The following LRRC14 variants were observed in gnomAD, a reference collection of about 807,000 sequenced individuals.
LRRC14 encodes leucine-rich repeat-containing protein 14.
In LRRC14, 16 loss-of-function variants were observed where a neutral mutation model predicts 25.3. The observed-to-expected ratio is 0.63, with a 90% CI of 0.43 to 0.96. The LOEUF is 0.96. Ranked by LOEUF, LRRC14 falls within the 40% of genes least tolerant of loss-of-function variation. LRRC14 has a pLI of 0.00. For synonymous variants in LRRC14, 359 were observed against 295.1 expected (o/e 1.22, Z -2.22); for missense variants, 594 against 660.5 (o/e 0.90, Z 1.10).
In LRRC14 at chr8:144,520,227, C is replaced by G; in HGVS notation, c.330-11C>G. 1.2e-6 allele frequency: 2 copies of G among 1,603,792 alleles called. No homozygotes were observed. The highest frequency in any genetic ancestry group is 1.7e-6 in the Non-Finnish European group (2 of 1,179,136). On this transcript the variant is annotated splice_polypyrimidine_tract_variant and intron_variant, in intron 2 of 3. Transcript: ENST00000292524. ...CCCTCCACCCCTTCCTCACACCATT[C>G]CTACTCCCAGGAAGCATGCGCTGCG...
In LRRC14 at chr8:144,520,027, C is replaced by G. The variant is rs1036156327; in HGVS notation, c.302C>G (p.Pro101Arg). The change falls in exon 2 of 4, where the codon CCT becomes CGT. Residue 101 changes from proline (P) to arginine (R), a missense_variant. By Grantham distance (103) the Pro-to-Arg change is moderately radical (BLOSUM62 -2). Coordinates refer to ENST00000292524, the MANE Select transcript of LRRC14 (RefSeq NM_014665.4). ...GLTARLHTSEPGASTQPLCRK... is the reference protein window; with the variant it reads ...GLTARLHTSERGASTQPLCRK... Reference sequence around the variant, plus strand: ...ACTGCCCGGCTCCACACCTCAGAGCCTGGGGCCAGCACACAGCCCCTCTGC... The same window carrying G: ...ACTGCCCGGCTCCACACCTCAGAGCGTGGGGCCAGCACACAGCCCCTCTGC... 6.2e-7 allele frequency: 1 copy of G among 1,608,404 alleles called. No individual in the cohort carries two copies. Among genetic ancestry groups the G allele is most frequent in the Admixed American group, 1.7e-5 (1 of 59,998 alleles).
Position 144,518,144 on chromosome 8 carries a change from C to T in LRRC14, c.-112+103C>T, listed in dbSNP as rs35791462. On this transcript the variant is annotated intron_variant, in intron 1 of 3. Coordinates refer to ENST00000292524, the MANE Select transcript of LRRC14 (RefSeq NM_014665.4). ...CACCGGTCGCTCGGGGCGGCCTGGC[C>T]GAGGGAGGCAGTGGCTGCATTTGGG... 1,502 of 161,572 alleles carry T rather than the reference C, an allele frequency of 9.3e-3. 11 individuals are homozygous for T. Among genetic ancestry groups the T allele is most frequent in the African/African-American group, 0.028 (1,152 of 41,826 alleles). The allele number at this position is 161,572 out of a possible 1,614,324, so 10.0% of individuals were successfully genotyped here.
rs1363912927 is a variant in LRRC14, at chr8:144,524,711, G to T, written c.*3233G>T. The T allele has an allele frequency of 6.9e-7, 1 of 1,456,572 alleles. No individual in the cohort carries two copies. The allele number at this position is 1,456,572 out of a possible 1,614,324, so 90.2% of individuals were successfully genotyped here. ...GGCGGGCGATGTTGTTGTCCTGCAG[G>T]AACAGTGTCTGCAGGCCGGGGAAAG... is the stretch of plus-strand genomic sequence containing the variant. On this transcript the variant is annotated 3_prime_UTR_variant, in exon 4 of 4. Coordinates refer to ENST00000292524, the MANE Select transcript of LRRC14 (RefSeq NM_014665.4).
Position 144,523,503 on chromosome 8 carries a change from C to T in LRRC14, c.*2025C>T. Reference sequence around the variant, plus strand: ...TGCAGGCCAGGACAGAGGCCTCTTTCCCACCTCCCACAGCGTTTTCACACG... The same window carrying T: ...TGCAGGCCAGGACAGAGGCCTCTTTTCCACCTCCCACAGCGTTTTCACACG... On this transcript the variant is annotated 3_prime_UTR_variant, in exon 4 of 4. Coordinates refer to ENST00000292524, the MANE Select transcript of LRRC14 (RefSeq NM_014665.4). 5.6e-6 allele frequency: 8 copies of T among 1,434,650 alleles called. No individual in the cohort carries two copies. The highest frequency in any genetic ancestry group is 7.3e-6 in the Non-Finnish European group (8 of 1,103,214). The allele number at this position is 1,434,650 out of a possible 1,614,324, so 88.9% of individuals were successfully genotyped here. A position where few individuals can be genotyped will look rare whatever the true frequency, so the allele number is the denominator to read the frequency against.
At chr8:144,520,169 C>T (rs1815905325) in intron 2 of LRRC14, 69 bp from the exon 3 acceptor site, 1 of 1,574,736 alleles carries the variant, frequency 6.4e-7, no homozygotes. Flanking sequence ...TTGCTCCTGT[C>T]CCAAGGTGGC....
In LRRC14 at chr8:144,519,910, A is replaced by G; in HGVS notation, c.185A>G (p.Gln62Arg). Reference protein sequence around the residue: ...HTWPFPLLSFQQLLQECAHCS... With the variant: ...HTWPFPLLSFRQLLQECAHCS... Reference sequence around the variant, plus strand: ...TGGCCCTTCCCGCTGCTCAGTTTCCAGCAGCTGCTACAGGAGTGTGCCCAC... The same window carrying G: ...TGGCCCTTCCCGCTGCTCAGTTTCCGGCAGCTGCTACAGGAGTGTGCCCAC... The change falls in exon 2 of 4, where the codon CAG (glutamine) becomes CGG (arginine). Residue 62 changes from glutamine (Q) to arginine (R), a missense_variant. Gln to Arg is a conservative substitution (Grantham distance 43, BLOSUM62 1). Coordinates refer to ENST00000292524, the MANE Select transcript of LRRC14 (RefSeq NM_014665.4). 1 of 1,613,286 alleles carries G rather than the reference A, an allele frequency of 6.2e-7. No homozygotes were observed. Among genetic ancestry groups the G allele is most frequent in the South Asian group, 1.1e-5 (1 of 91,088 alleles).
In LRRC14 at chr8:144,523,035, C is replaced by G. The variant is rs1193722919; in HGVS notation, c.*1557C>G. On this transcript the variant is annotated 3_prime_UTR_variant, in exon 4 of 4. Coordinates refer to ENST00000292524, the MANE Select transcript of LRRC14 (RefSeq NM_014665.4). ...GTGATGTTGCTGAGGAAGAGCATGC[C>G]GCTGCCCGTGTCGGATGCCGAGTGT... 1.9e-6 allele frequency: 3 copies of G among 1,601,568 alleles called. No homozygotes were observed. Among genetic ancestry groups the G allele is most frequent in the Admixed American group, 1.7e-5 (1 of 59,204 alleles).
chr8:144,521,230 G>T lies in LRRC14; in HGVS notation c.1234G>T (p.Glu412Ter), dbSNP rs1303880340. Residue 412 changes from glutamate (E) to a stop codon, truncating the protein, a stop_gained, in exon 4 of 4, where the codon GAG becomes TAG. Coordinates refer to ENST00000292524, the MANE Select transcript of LRRC14 (RefSeq NM_014665.4). LOFTEE classifies it high-confidence loss of function. ...CCCACTGTCCATGGCGGGCCTCAAG[G>T]AGCTGCTGCGGGACTCAGTGGCACA... ...GNPLSMAGLK[E>*]LLRDSVAQAE... The T allele has an allele frequency of 1.2e-6, 2 of 1,613,342 alleles. No homozygotes were observed. Among genetic ancestry groups the T allele is most frequent in the Non-Finnish European group, 1.7e-6 (2 of 1,180,024 alleles).
At position 144,520,838 on chromosome 8, in the gene LRRC14, C is replaced by T. The variant is rs1461539986; in HGVS notation, c.914+16C>T. The T allele has an allele frequency of 4.4e-6, 7 of 1,594,012 alleles. No homozygotes were observed. Among genetic ancestry groups the T allele is most frequent in the Non-Finnish European group, 5.1e-6 (6 of 1,176,408 alleles). On this transcript the variant is annotated intron_variant, in intron 3 of 3. Transcript: ENST00000292524. ...AGCTGCTCAGGTGAGCGGGCCCCAC[C>T]ACTGCCCTGCCCCTCCCTTCTGTAG...
In LRRC14 at chr8:144,521,042, C is replaced by T; in HGVS notation, c.1046C>T (p.Ser349Phe). 1 of 1,613,068 alleles carries T rather than the reference C, an allele frequency of 6.2e-7. No individual in the cohort carries two copies. The highest frequency in any genetic ancestry group is 8.5e-7 in the Non-Finnish European group (1 of 1,180,040). ...TTGGACCTGAGTGGTAACGACCTGTCTGGCAGCCAGCTGGCACCCTTCCAG... is the reference window on the plus strand; with the variant it reads ...TTGGACCTGAGTGGTAACGACCTGTTTGGCAGCCAGCTGGCACCCTTCCAG... ...KKLDLSGNDL[S>F]GSQLAPFQGL... Residue 349 changes from serine (S) to phenylalanine (F), a missense_variant, in exon 4 of 4, where the codon TCT becomes TTT. Physicochemically the swap from Ser to Phe is radical, Grantham distance 155. Coordinates refer to ENST00000292524, the MANE Select transcript of LRRC14 (RefSeq NM_014665.4).
chr8:144,524,032 G>A lies in LRRC14; in HGVS notation c.*2554G>A, dbSNP rs1431676002. The A allele has an allele frequency of 1.3e-6, 2 of 1,505,234 alleles. No homozygotes were observed. The highest frequency in any genetic ancestry group is 9.0e-7 in the Non-Finnish European group (1 of 1,111,874). 93.2% of individuals were successfully genotyped at this position (1,505,234 alleles called of 1,614,324 possible). On this transcript the variant is annotated 3_prime_UTR_variant, in exon 4 of 4. Transcript: ENST00000292524. The stretch of plus-strand genomic sequence containing the variant: ...ACTGCTGCCCAGTTGCCTGATGTCA[G>A]AGCCCCTCCACACATGAGCCTGCTC...
rs1816300801 is a variant in LRRC14, at chr8:144,524,827, G to A, written c.*3349G>A. ...CACACGGTGCCCACCTGCGTCCCTG[G>A]CGGGATTCCCAGCGGGACGACGCGC... is the stretch of plus-strand genomic sequence containing the variant. On this transcript the variant is annotated 3_prime_UTR_variant, in exon 4 of 4. Transcript: ENST00000292524. 6.8e-7 allele frequency: 1 copy of A among 1,471,622 alleles called. No homozygotes were observed. 91.2% of individuals were successfully genotyped at this position (1,471,622 alleles called of 1,614,324 possible).
rs1816111780 is a variant in LRRC14, at chr8:144,522,154, C to A, written c.*676C>A. The stretch of plus-strand genomic sequence containing the variant: ...CCCGCCCTTCGCGGGGCAGCCCCGT[C>A]GGCACTGCCGGCCAGTCCTTGCTCT... On this transcript the variant is annotated 3_prime_UTR_variant, in exon 4 of 4. Transcript: ENST00000292524. 2 of 335,450 alleles carry A rather than the reference C, an allele frequency of 6.0e-6. No homozygotes were observed. Among genetic ancestry groups the A allele is most frequent in the Non-Finnish European group, 1.1e-5 (2 of 185,244 alleles). The allele number at this position is 335,450 out of a possible 1,614,324, so 20.8% of individuals were successfully genotyped here. A position where few individuals can be genotyped will look rare whatever the true frequency, so the allele number is the denominator to read the frequency against.
At position 144,520,796 on chromosome 8, in the gene LRRC14, T is replaced by A; in HGVS notation, c.888T>A (p.Leu296=). ...AGCTCAGCATGGGCTCCTCTCTCCT[T>A]TCAGGGAGGCTGGACCAGCTGCTCA... is the stretch of plus-strand genomic sequence containing the variant. ...LRELSMGSSL[L]SGRLDQLLST... The change falls in exon 3 of 4, where the codon CTT becomes CTA. Residue 296 remains leucine (L), a synonymous_variant. Transcript: ENST00000292524. 6.3e-7 allele frequency: 1 copy of A among 1,597,920 alleles called. No individual in the cohort carries two copies. The highest frequency in any genetic ancestry group is 2.2e-5 in the East Asian group (1 of 44,854).
rs771254333 is a variant in LRRC14, at chr8:144,521,176, A to C, written c.1180A>C (p.Ser394Arg). 6.2e-7 allele frequency: 1 copy of C among 1,613,200 alleles called. No homozygotes were observed. The highest frequency in any genetic ancestry group is 1.1e-5 in the South Asian group (1 of 91,092). ...ACTACCCATCCTGACTCAGTGCGCCAGTCTCCGGTACCTTGGCCTCTATGG... is the reference window on the plus strand; with the variant it reads ...ACTACCCATCCTGACTCAGTGCGCCCGTCTCCGGTACCTTGGCCTCTATGG... ...ATLPILTQCA[S>R]LRYLGLYGNP... Residue 394 changes from serine (S) to arginine (R), a missense_variant, in exon 4 of 4, where the codon AGT (serine) becomes CGT (arginine). Physicochemically the swap from Ser to Arg is moderately radical, Grantham distance 110. Transcript: ENST00000292524.
In LRRC14 at chr8:144,523,637, T is replaced by TACGGC; in HGVS notation, c.*2159_*2160insACGGC. 1 of 548,482 alleles carries TACGGC rather than the reference T, an allele frequency of 1.8e-6. No homozygotes were observed. The highest frequency in any genetic ancestry group is 3.9e-5 in the Admixed American group (1 of 25,902). 34.0% of individuals were successfully genotyped at this position (548,482 alleles called of 1,614,324 possible). ...CTCTGTGATGCCTGCCTGTTACAGATCACTTCTCCGTCGGTCTCTGAGAAA... is the reference window on the plus strand; with the variant it reads ...CTCTGTGATGCCTGCCTGTTACAGATACGGCCACTTCTCCGTCGGTCTCTGAGAAA... On this transcript the variant is annotated 3_prime_UTR_variant, in exon 4 of 4. Coordinates refer to ENST00000292524, the MANE Select transcript of LRRC14 (RefSeq NM_014665.4).
rs187561653 is a variant in LRRC14 at position 144,521,401 on chromosome 8, C to G, written c.1405C>G (p.Leu469Val). The G allele has an allele frequency of 1.9e-6, 3 of 1,611,562 alleles. No homozygotes were observed. Among genetic ancestry groups the G allele is most frequent in the African/African-American group, 2.7e-5 (2 of 74,946 alleles). ...AGAAGCTGAGTTGCACCAGCTGCTTCTAGCCTCAGGCCGTGCCCATGTGCT... is the reference window on the plus strand; with the variant it reads ...AGAAGCTGAGTTGCACCAGCTGCTTGTAGCCTCAGGCCGTGCCCATGTGCT... The part of the protein sequence containing the change: ...RVEAELHQLL[L>V]ASGRAHVLWT... The change falls in exon 4 of 4, where the codon CTA becomes GTA. Residue 469 changes from leucine to valine, a missense_variant. Physicochemically the swap from Leu to Val is conservative, Grantham distance 32. Coordinates refer to ENST00000292524, the MANE Select transcript of LRRC14 (RefSeq NM_014665.4).
rs1263058398 is a variant in LRRC14 at position 144,525,080 on chromosome 8, A to C, written c.*3602A>C. 4.1e-5 allele frequency: 52 copies of C among 1,259,106 alleles called. No individual in the cohort carries two copies. The highest frequency in any genetic ancestry group is 5.3e-5 in the Non-Finnish European group (52 of 976,980). The allele number at this position is 1,259,106 out of a possible 1,614,324, so 78.0% of individuals were successfully genotyped here. On this transcript the variant is annotated 3_prime_UTR_variant, in exon 4 of 4. Coordinates refer to ENST00000292524, the MANE Select transcript of LRRC14 (RefSeq NM_014665.4). ...CAGTCTCGGCAGTCGAGAGCCAGCC[A>C]ATAGATGGAATGGAGGCCTGCACCT...
rs143107864 is a variant in LRRC14 at position 144,524,231 on chromosome 8, C to T, written c.*2753C>T. 227 of 1,612,504 alleles carry T rather than the reference C, an allele frequency of 1.4e-4. No homozygotes were observed. The highest frequency in any genetic ancestry group is 1.8e-4 in the Non-Finnish European group (211 of 1,179,972). Reference sequence around the variant, plus strand: ...AGGACAGCCCCGCTAGAGCCTGGTCCTCCAGCAGCTCAATGCTGTTTTCTT... The same window carrying T: ...AGGACAGCCCCGCTAGAGCCTGGTCTTCCAGCAGCTCAATGCTGTTTTCTT... On this transcript the variant is annotated 3_prime_UTR_variant, in exon 4 of 4. Transcript: ENST00000292524.
Sources: allele counts gnomAD v4.1 joint callset, GRCh38; gene constraint gnomAD v4.1.1; transcripts MANE v1.5; gene names NCBI Gene and HGNC (gene_info 2026-07-23, HGNC 2026-07-21).